The following CADPS2 variants were observed in gnomAD, a reference collection of about 807,000 sequenced individuals.
CADPS2 encodes the protein calcium dependent secretion activator 2.
A neutral mutation model predicts 172.5 loss-of-function variants in CADPS2; 93 were observed. That is an observed-to-expected ratio of 0.54 (90% CI 0.46 to 0.64). The LOEUF (loss-of-function observed/expected upper bound fraction) is 0.64. Among genes scored for constraint, CADPS2 ranks in the 30% least tolerant of loss-of-function variants. The probability of loss-of-function intolerance (pLI) is 0.00; values close to 1 mark genes in which losing one functional copy is unlikely to be tolerated. For synonymous variants in CADPS2, 546 were observed against 555.2 expected (o/e 0.98, Z 0.23); for missense variants, 1,420 against 1,565.9 (o/e 0.91, Z 1.57).
At chr7:122,384,670 C>A (rs916108138) in intron 24 of CADPS2, among the ~76,000 whole-genome samples, 7 of 152,044 alleles carry the variant, frequency 4.6e-5, no homozygotes, top group Non-Finnish European at 1.0e-4. Context: ...CCTGCACATT[C>A]TGAACTATGT....
chr7:122,702,177 T>C, intron 2 of CADPS2: 1 of 1,613,756 alleles, frequency 6.2e-7, no homozygotes, highest in Non-Finnish European at 8.5e-7. Flanking sequence ...AATAGATACA[T>C]GATGTAATGG....
chr7:122,440,872 G>A (rs1397048422), intron 16 of CADPS2, among the ~76,000 whole-genome samples: 1 of 152,062 alleles, frequency 6.6e-6, no homozygotes, highest in Non-Finnish European at 1.5e-5. Flanking sequence ...ATTACAGACA[G>A]ATGAAAAAAT....
intron 1 of CADPS2, among the ~76,000 whole-genome samples, chr7:122,801,800 G>T (rs1420002640): frequency 1.3e-5 from 2 of 150,472 alleles, no homozygotes; most frequent in Non-Finnish European, 1.5e-5. Context: ...TGGAGACATG[G>T]TCTCACTATA....
intron 17 of CADPS2, among the ~76,000 whole-genome samples, chr7:122,433,406 GT>G (rs112290645): frequency 0.054 from 7,606 of 140,260 alleles, 433 homozygotes; most frequent in African/African-American, 0.15. Context: ...TGTTTTTTTG[GT>G]TTTTTTTTTT....
intron 1 of CADPS2, among the ~76,000 whole-genome samples, chr7:122,764,605 T>C (rs532154961): frequency 6.6e-6 from 1 of 151,922 alleles, no homozygotes; most frequent in South Asian, 2.1e-4. Context: ...GTAGTCAGGG[T>C]ATAGCAACAG....
At chr7:122,398,713 A>T (rs1022070935) in intron 20 of CADPS2, among the ~76,000 whole-genome samples, 2 of 71,434 alleles carry the variant, frequency 2.8e-5, no homozygotes, top group South Asian at 4.4e-4. Flanking sequence ...AGTCTAGAAC[A>T]GCATTATGTA....
intron 1 of CADPS2, among the ~76,000 whole-genome samples, chr7:122,845,823 C>T (rs983652017): frequency 1.3e-5 from 2 of 152,172 alleles, no homozygotes; most frequent in African/African-American, 4.8e-5. Flanking sequence ...TGTTATTACC[C>T]AAGCAAAGTT....
intron 7 of CADPS2, among the ~76,000 whole-genome samples, chr7:122,576,194 C>T (rs2068016259): frequency 6.6e-6 from 1 of 152,104 alleles, no homozygotes; most frequent in Non-Finnish European, 1.5e-5. Flanking sequence ...GTCACCAATC[C>T]ATGTTTGTCT....
Position 122,466,693 on chromosome 7 carries a change from A to T in CADPS2, c.2186+4682T>A, listed in dbSNP as rs568657967. 4.6e-5 allele frequency among the ~76,000 whole-genome samples: 7 copies of T among 152,338 alleles called. No individual in the cohort carries two copies. The East Asian group carries it at 1.4e-3, about 29-fold the overall frequency. On this transcript the variant is annotated intron_variant, in intron 14 of 29. Coordinates refer to ENST00000449022, the MANE Select transcript of CADPS2 (RefSeq NM_017954.11). ...TATTTAAGCAATATTTCATCGTTTA[A>T]AAAGTACTTACAGAATTTTATTTGA... is the stretch of plus-strand genomic sequence containing the variant.
At chr7:122,720,207 C>T (rs2090194585) in intron 2 of CADPS2, among the ~76,000 whole-genome samples, 3 of 151,838 alleles carry the variant, frequency 2.0e-5, no homozygotes, top group South Asian at 2.1e-4. Flanking sequence ...AGGCAGTAAA[C>T]GTATGCCATA....
chr7:122,344,106 G>A (rs2037203889), intron 28 of CADPS2, among the ~76,000 whole-genome samples: 1 of 152,142 alleles, frequency 6.6e-6, no homozygotes. Context: ...ACACTGACAC[G>A]AGAGACCACG....
chr7:122,418,101 CAGAG>C (rs2048138440), intron 17 of CADPS2, among the ~76,000 whole-genome samples: 1 of 150,472 alleles, frequency 6.6e-6, no homozygotes, highest in African/African-American at 2.5e-5. Context: ...ACCTGGGAGG[CAGAG>C]GTTGCAGTGA....
chr7:122,502,437 G>C (rs2130470119), intron 9 of CADPS2, among the ~76,000 whole-genome samples: 1 of 151,492 alleles, frequency 6.6e-6, no homozygotes, highest in African/African-American at 2.4e-5. Context: ...GGTAATTAAA[G>C]TTTTCTTAGC....
chr7:122,399,160 TTC>T (rs2045567451), intron 20 of CADPS2, among the ~76,000 whole-genome samples: 1 of 152,152 alleles, frequency 6.6e-6, no homozygotes. Context: ...GTTAAAATGT[TTC>T]TTACTTTTTT....
At chr7:122,426,930 T>C (rs966419806) in intron 17 of CADPS2, among the ~76,000 whole-genome samples, 3 of 152,238 alleles carry the variant, frequency 2.0e-5, no homozygotes, top group Non-Finnish European at 4.4e-5. Flanking sequence ...CACTGTCAAG[T>C]GAGCTGAGCA....
chr7:122,441,988 TACC>T (rs1397240433), intron 15 of CADPS2, among the ~76,000 whole-genome samples: 1 of 152,218 alleles, frequency 6.6e-6, no homozygotes, highest in Non-Finnish European at 1.5e-5. Flanking sequence ...TGGCCACATA[TACC>T]ACAGCAAGAT....
intron 8 of CADPS2, among the ~76,000 whole-genome samples, chr7:122,514,943 T>C (rs150323480): frequency 1.2e-4 from 19 of 152,270 alleles, no homozygotes; most frequent in African/African-American, 4.1e-4. Flanking sequence ...TTCCAAAATA[T>C]TACTAATAGT....
At chr7:122,812,181 G>A (rs1275955472) in intron 1 of CADPS2, among the ~76,000 whole-genome samples, 1 of 151,854 alleles carries the variant, frequency 6.6e-6, no homozygotes, top group Non-Finnish European at 1.5e-5. Context: ...ATTCATGGAG[G>A]TTATATATGT....
chr7:122,835,081 C>T (rs1337658803), intron 1 of CADPS2, among the ~76,000 whole-genome samples: 1 of 152,124 alleles, frequency 6.6e-6, no homozygotes, highest in Non-Finnish European at 1.5e-5. Context: ...CCCTCTGAGA[C>T]AAAGCTTCCA....
Sources: gnomAD v4.1 joint callset for allele counts (sites outside exome capture counted in the v4.1 genomes callset) on GRCh38, gnomAD v4.1.1 for gene constraint, MANE v1.5 for transcripts, NCBI Gene and HGNC (gene_info 2026-07-23, HGNC 2026-07-21) for gene names.